CACNA1C: variants seen among roughly 807,000 people sequenced by gnomAD.
CACNA1C encodes voltage-dependent L-type calcium channel subunit alpha-1C.
Under a neutral mutation model 229.0 loss-of-function variants are expected in CACNA1C, and 30 were observed. The ratio of observed to expected loss-of-function variants is 0.13; its 90% CI spans 0.10 to 0.18. The LOEUF (loss-of-function observed/expected upper bound fraction) is 0.18, where lower values mean the gene tolerates loss of function less well. Ranked by LOEUF, CACNA1C falls within the 10% of genes least tolerant of loss-of-function variation. The pLI is 1.00. For synonymous variants in CACNA1C, 1,114 were observed against 1,132.5 expected, an observed-to-expected ratio of 0.98 and a Z score of 0.33; for missense variants, 1,658 against 2,845.0, an observed-to-expected ratio of 0.58 and a Z score of 9.49.
intron 1 of CACNA1C, among the ~76,000 whole-genome samples, chr12:2,103,520 G>A (rs1005407731): frequency 1.3e-5 from 2 of 152,116 alleles, no homozygotes; most frequent in African/African-American, 4.8e-5. Flanking sequence ...CTTCCATTCT[G>A]TAGGTTGCCT....
In CACNA1C at chr12:2,602,045, C is replaced by T; in HGVS notation, c.2960+85C>T. On this transcript the variant is annotated intron_variant, in intron 22 of 46. Coordinates refer to ENST00000399655, the MANE Select transcript of CACNA1C (RefSeq NM_000719.7). The surrounding 1 kb of genome is among the most constrained non-coding windows in gnomAD (Gnocchi z 4.4). ...GACAACCAGACCCTGGAGGGCCTGC[C>T]TGCAGGGCCACCGCAGTGTGATGAG... 1 of 863,388 alleles carries T rather than the reference C, an allele frequency of 1.2e-6. No individual in the cohort carries two copies. The highest frequency in any genetic ancestry group is 2.0e-6 in the Non-Finnish European group (1 of 506,650). 53.5% of individuals were successfully genotyped at this position (863,388 alleles called of 1,614,324 possible).
rs748963784 is a variant in CACNA1C at position 2,215,943 on chromosome 12, C to T, written c.477+95513C>T. On this transcript the variant is annotated intron_variant, in intron 3 of 46. Coordinates refer to ENST00000399655, the MANE Select transcript of CACNA1C (RefSeq NM_000719.7). This position sits in a 1 kb window ranked among gnomAD's most constrained non-coding sequence, Gnocchi z 5.0. ...AGATGCTGGGAACTCATCCTGTTCT[C>T]GAAGTCACCATGCCGCCCATCAGTT... Among the ~76,000 whole-genome samples the T allele has an allele frequency of 1.3e-5, 2 of 152,198 alleles. No homozygotes were observed. The highest frequency in any genetic ancestry group is 6.5e-5 in the Admixed American group (1 of 15,284).
chr12:2,270,864 C>T (rs2084643286), intron 3 of CACNA1C, among the ~76,000 whole-genome samples: 1 of 152,164 alleles, frequency 6.6e-6, no homozygotes, highest in Non-Finnish European at 1.5e-5. Context: ...GCACAGACAG[C>T]CATTCCCCTC....
intron 3 of CACNA1C, among the ~76,000 whole-genome samples, chr12:2,325,530 C>G (rs568240113): frequency 6.6e-6 from 1 of 152,236 alleles, no homozygotes; most frequent in Non-Finnish European, 1.5e-5. Context: ...CTCACTTACT[C>G]GTTGTGTGAA....
At chr12:2,361,806 G>C (rs1325981093) in intron 3 of CACNA1C, among the ~76,000 whole-genome samples, 2 of 152,250 alleles carry the variant, frequency 1.3e-5, no homozygotes. Flanking sequence ...TGAGAACCAA[G>C]GTCAAAGGCA....
Position 2,029,261 on chromosome 12 carries a change from A to T in CACNA1C, c.139+58060A>T, listed in dbSNP as rs1057434429. ...CGTGGGGCCAATATGTTGATGCTGC[A>T]TTTATAAATTTTTAAAAATTGAGGT... On this transcript the variant is annotated intron_variant, in intron 1 of 46. Coordinates refer to the CACNA1C transcript ENST00000682462. This position sits in a 1 kb window ranked among gnomAD's most constrained non-coding sequence, Gnocchi z 4.9. Among the ~76,000 whole-genome samples, 2 of 152,210 alleles carry T rather than the reference A, an allele frequency of 1.3e-5. No individual in the cohort carries two copies. Among genetic ancestry groups the T allele is most frequent in the African/African-American group, 4.8e-5 (2 of 41,454 alleles).
upstream of CACNA1C, among the ~76,000 whole-genome samples, chr12:2,052,223 A>G (rs1474229509): frequency 1.3e-5 from 2 of 152,156 alleles, no homozygotes; most frequent in Non-Finnish European, 2.9e-5. Flanking sequence ...GCTGCCTCCA[A>G]GGAATTATTA....
At chr12:2,529,059 G>C (rs1382658781) in intron 9 of CACNA1C, among the ~76,000 whole-genome samples, 1 of 152,166 alleles carries the variant, frequency 6.6e-6, no homozygotes, top group Non-Finnish European at 1.5e-5. Context: ...TCTGTAAGGA[G>C]GCTTGTAGAA....
intron 42 of CACNA1C, among the ~76,000 whole-genome samples, chr12:2,681,284 C>T (rs549039367): frequency 6.6e-6 from 1 of 152,314 alleles, no homozygotes; most frequent in South Asian, 2.1e-4. Context: ...TATATCTCTC[C>T]ACATAGCAAA....
intron 3 of CACNA1C, among the ~76,000 whole-genome samples, chr12:2,267,198 G>A (rs1245362304): frequency 6.6e-6 from 1 of 152,134 alleles, no homozygotes; most frequent in East Asian, 1.9e-4. Context: ...TGCAGTCAAG[G>A]GGGTGCAGCT....
rs1201792510 is a variant in CACNA1C at position 2,053,977 on chromosome 12, G to A, written c.49+366G>A. ...TGGCCAGCCGCGCGGGGGGCAGAGGGCGCCGGCGCCGCGGAGCCCAGAGGC... is the reference window on the plus strand; with the variant it reads ...TGGCCAGCCGCGCGGGGGGCAGAGGACGCCGGCGCCGCGGAGCCCAGAGGC... On this transcript the variant is annotated intron_variant, in intron 1 of 46. Transcript: ENST00000399655. The surrounding 1 kb of genome is among the most constrained non-coding windows in gnomAD (Gnocchi z 5.8). Among the ~76,000 whole-genome samples, 1 of 148,806 alleles carries A rather than the reference G, an allele frequency of 6.7e-6. No homozygotes were observed. The highest frequency in any genetic ancestry group is 1.5e-5 in the Non-Finnish European group (1 of 66,972).
chr12:2,119,539 A>G (rs778434857), intron 2 of CACNA1C, among the ~76,000 whole-genome samples: 3 of 152,168 alleles, frequency 2.0e-5, no homozygotes, highest in Non-Finnish European at 4.4e-5. Flanking sequence ...GGGCATGGGA[A>G]CCTCTGCCTG....
intron 8 of CACNA1C, among the ~76,000 whole-genome samples, chr12:2,507,311 A>T (rs1353090498): frequency 6.6e-6 from 1 of 151,916 alleles, no homozygotes; most frequent in Non-Finnish European, 1.5e-5. Flanking sequence ...ATGGGCGAGC[A>T]CCTCCCCTTT....
At chr12:2,043,984 A>G (rs569383784) in intron 1 of CACNA1C, among the ~76,000 whole-genome samples, 1 of 152,286 alleles carries the variant, frequency 6.6e-6, no homozygotes, top group Non-Finnish European at 1.5e-5. Flanking sequence ...TAACTAAACT[A>G]TAGTAGAAGT....
intron 1 of CACNA1C, among the ~76,000 whole-genome samples, chr12:2,096,518 C>T (rs2074060405): frequency 6.6e-6 from 1 of 152,162 alleles, no homozygotes; most frequent in Non-Finnish European, 1.5e-5. Flanking sequence ...GGATGTTCTT[C>T]CAAGTATTCT....
intron 1 of CACNA1C, among the ~76,000 whole-genome samples, chr12:2,037,927 C>T (rs1001412503): frequency 2.6e-5 from 4 of 152,130 alleles, no homozygotes; most frequent in Admixed American, 6.5e-5. Flanking sequence ...AAAACAGAGT[C>T]CTTCTTGGTG....
At chr12:2,064,339 T>C (rs1372244018) in intron 1 of CACNA1C, among the ~76,000 whole-genome samples, 1 of 152,184 alleles carries the variant, frequency 6.6e-6, no homozygotes, top group Non-Finnish European at 1.5e-5. Flanking sequence ...TGTCTGTGGC[T>C]AGAGATGTGG....
At chr12:2,026,461 G>A (rs2047342939) in intron 1 of CACNA1C, among the ~76,000 whole-genome samples, 1 of 152,308 alleles carries the variant, frequency 6.6e-6, no homozygotes, top group East Asian at 1.9e-4. Context: ...ATTTCTGCCA[G>A]ACAATGACAC....
chr12:2,401,478 C>T lies in CACNA1C; in HGVS notation c.478-47498C>T, dbSNP rs554288723. Among the ~76,000 whole-genome samples the T allele has an allele frequency of 7.2e-5, 11 of 152,330 alleles. No individual in the cohort carries two copies. In the South Asian group the frequency reaches 2.3e-3, roughly 32 times the overall value. ...GAGGTCAGCAGGTAGGACAGGTCTC[C>T]CCTTTGAACAGATGGGGAAACTTAG... On this transcript the variant is annotated intron_variant, in intron 3 of 46. Transcript: ENST00000399655.
Sources: gnomAD v4.1 joint callset for allele counts (sites outside exome capture counted in the v4.1 genomes callset) on GRCh38, gnomAD v4.1.1 for gene constraint, Gnocchi (gnomAD v3.1) non-coding constraint, MANE v1.5 for transcripts, NCBI Gene and HGNC (gene_info 2026-07-23, HGNC 2026-07-21) for gene names.